Variants in CDC14A observed in about 807,000 individuals in gnomAD.
CDC14A encodes the protein cell division cycle 14A, also known as dual specificity protein phosphatase CDC14A.
In CDC14A, 53 loss-of-function variants were observed where a neutral mutation model predicts 74.4. The ratio of observed to expected loss-of-function variants is 0.71; its 90% CI spans 0.57 to 0.89. The LOEUF (loss-of-function observed/expected upper bound fraction) is 0.89. Ranked by LOEUF, CDC14A falls within the 40% of genes least tolerant of loss-of-function variation. CDC14A has a pLI of 0.00. For missense variants in CDC14A, 646 were observed against 713.7 expected, an observed-to-expected ratio of 0.91 and a Z score of 1.08; for synonymous variants, 247 against 258.4, an observed-to-expected ratio of 0.96 and a Z score of 0.43.
At chr1:100,379,114 AG>A (rs1655736504) in intron 3 of CDC14A, among the ~76,000 whole-genome samples, 1 of 152,178 alleles carries the variant, frequency 6.6e-6, no homozygotes, top group African/African-American at 2.4e-5. Flanking sequence ...AGTACTATCT[AG>A]GGTAGCCAAA....
chr1:100,385,343 C>T (rs1267764346), intron 3 of CDC14A, among the ~76,000 whole-genome samples: 1 of 152,144 alleles, frequency 6.6e-6, no homozygotes, highest in Non-Finnish European at 1.5e-5. Context: ...TTCTCAGGCC[C>T]TACTGAATCA....
intron 3 of CDC14A, among the ~76,000 whole-genome samples, chr1:100,384,841 C>T (rs1382234495): frequency 2.0e-5 from 3 of 152,220 alleles, no homozygotes; most frequent in Non-Finnish European, 4.4e-5. Flanking sequence ...CTCACAAGAG[C>T]AGTAGGTTGG....
At chr1:100,402,635 A>G (rs1483597232) in intron 4 of CDC14A, among the ~76,000 whole-genome samples, 1 of 152,186 alleles carries the variant, frequency 6.6e-6, no homozygotes. Context: ...CTGCTTTGTC[A>G]TATTTCAGTT....
chr1:100,350,426 CAG>C (rs1650852174), upstream of CDC14A, among the ~76,000 whole-genome samples: 1 of 152,154 alleles, frequency 6.6e-6, no homozygotes, highest in African/African-American at 2.4e-5. Flanking sequence ...TAATTACTTA[CAG>C]AGTTTTATTA....
intron 2 of CDC14A, among the ~76,000 whole-genome samples, chr1:100,369,551 G>A (rs1017068151): frequency 6.6e-6 from 1 of 152,110 alleles, no homozygotes; most frequent in African/African-American, 2.4e-5. Context: ...GTCTGTTCAT[G>A]TCTTTTGCTC....
rs1416799612 is a variant in CDC14A, at chr1:100,442,336, T to TTATATATAAATATACTATATTATATATAG, written c.457-583_457-555dup. ...ATATATAAATATACTATATTATGTA[T>TTATATATAAATATACTATATTATATATAG]TATATATAAATATACTATATTATAT... is the stretch of plus-strand genomic sequence containing the variant. On this transcript the variant is annotated intron_variant, in intron 6 of 15. Transcript: ENST00000336454. Among the ~76,000 whole-genome samples, 6 of 146,568 alleles carry TTATATATAAATATACTATATTATATATAG rather than the reference T, an allele frequency of 4.1e-5. No individual in the cohort carries two copies. In the South Asian group the frequency reaches 6.3e-4, roughly 15 times the overall value.
At chr1:100,511,757 T>G (rs1211529296) in intron 15 of CDC14A, among the ~76,000 whole-genome samples, 1 of 152,220 alleles carries the variant, frequency 6.6e-6, no homozygotes, top group Non-Finnish European at 1.5e-5. Context: ...TTACCACTGC[T>G]GCCTTAATTG....
At chr1:100,427,869 A>G (rs907374809) in intron 5 of CDC14A, among the ~76,000 whole-genome samples, 12 of 152,264 alleles carry the variant, frequency 7.9e-5, no homozygotes, top group Admixed American at 7.2e-4. Context: ...TTATGGGAAT[A>G]CTGAGGAAGG....
intron 2 of CDC14A, among the ~76,000 whole-genome samples, chr1:100,363,548 A>T (rs998564922): frequency 2.0e-4 from 31 of 151,988 alleles, no homozygotes; most frequent in African/African-American, 7.0e-4. Context: ...TGTTAATTTA[A>T]TTTTTTGGTC....
chr1:100,410,822 G>T (rs192150948), intron 4 of CDC14A, among the ~76,000 whole-genome samples: 5 of 152,196 alleles, frequency 3.3e-5, no homozygotes, highest in Non-Finnish European at 5.9e-5. Flanking sequence ...CCGAATTCTC[G>T]CTATTAATTC....
chr1:100,502,104 AGGT>A (rs1262061955), intron 15 of CDC14A, among the ~76,000 whole-genome samples: 2 of 152,222 alleles, frequency 1.3e-5, no homozygotes. Flanking sequence ...CAGTAAGCTA[AGGT>A]TAATTGATTA....
intron 10 of CDC14A, among the ~76,000 whole-genome samples, chr1:100,469,200 C>T (rs1433350171): frequency 6.6e-6 from 1 of 151,964 alleles, no homozygotes; most frequent in East Asian, 1.9e-4. Context: ...AGGAAGATGC[C>T]ATAAGTAAAC....
At position 100,435,654 on chromosome 1, in the gene CDC14A, C is replaced by A. The variant is rs540480474; in HGVS notation, c.390-4278C>A. 2.6e-5 allele frequency among the ~76,000 whole-genome samples: 4 copies of A among 151,962 alleles called. No homozygotes were observed. The East Asian group carries it at 7.7e-4, about 29-fold the overall frequency. On this transcript the variant is annotated intron_variant, in intron 5 of 15. Coordinates refer to ENST00000336454, the MANE Select transcript of CDC14A (RefSeq NM_003672.4). ...GACCAGCCTGGCTGACATGGTAAAA[C>A]CCTGTCTCTACGAAAAATACAAAAA...
chr1:100,459,950 C>G (rs1275843253), intron 8 of CDC14A, among the ~76,000 whole-genome samples: 2 of 152,148 alleles, frequency 1.3e-5, no homozygotes, highest in Non-Finnish European at 1.5e-5. Flanking sequence ...ATATCATGTT[C>G]TCTTATTTGG....
At chr1:100,516,719 A>C (rs1174264738) in intron 15 of CDC14A, among the ~76,000 whole-genome samples, 1 of 152,060 alleles carries the variant, frequency 6.6e-6, no homozygotes, top group East Asian at 1.9e-4. Context: ...GCGTCCCTCA[A>C]GTGGAATGTA....
intron 5 of CDC14A, among the ~76,000 whole-genome samples, chr1:100,430,002 G>A (rs1663463337): frequency 6.6e-6 from 1 of 151,862 alleles, no homozygotes; most frequent in Non-Finnish European, 1.5e-5. Context: ...TGGGATCACA[G>A]GCATGCACCA....
intron 4 of CDC14A, among the ~76,000 whole-genome samples, chr1:100,409,227 A>G (rs1660348837): frequency 6.6e-6 from 1 of 152,172 alleles, no homozygotes; most frequent in Non-Finnish European, 1.5e-5. Flanking sequence ...ACTATCACAA[A>G]CATAGCACGG....
chr1:100,351,936 G>A, upstream of CDC14A: 1 of 804,890 alleles, frequency 1.2e-6, no homozygotes, highest in South Asian at 1.7e-5. Flanking sequence ...ATGTTAGCTA[G>A]AGGCGAGGCA....
intron 7 of CDC14A, among the ~76,000 whole-genome samples, chr1:100,443,803 G>A (rs560298741): frequency 2.5e-4 from 38 of 152,166 alleles, no homozygotes; most frequent in Middle Eastern, 3.4e-3. Flanking sequence ...GCTGGTTTGC[G>A]CTGTAAGGAG....
Sources: gnomAD v4.1 joint callset for allele counts (sites outside exome capture counted in the v4.1 genomes callset) on GRCh38, gnomAD v4.1.1 for gene constraint, MANE v1.5 for transcripts, NCBI Gene and HGNC (gene_info 2026-07-23, HGNC 2026-07-21) for gene names.